The following NSG2 variants were observed in gnomAD, a reference collection of about 807,000 sequenced individuals.
NSG2 encodes neuronal vesicle trafficking-associated protein 2.
NSG2 carries 4 observed loss-of-function variants against 16.9 expected under a neutral mutation model. That is an observed-to-expected ratio of 0.24 (90% confidence interval 0.12 to 0.54). The LOEUF (loss-of-function observed/expected upper bound fraction) is 0.54, where lower values mean the gene tolerates loss of function less well. NSG2 is among the 20% of genes least tolerant of loss of function. The pLI, the probability that NSG2 is intolerant of heterozygous loss-of-function variation, is 0.95. For synonymous variants in NSG2, 98 were observed against 88.7 expected (o/e 1.11, Z -0.59); for missense variants, 179 against 221.1 (o/e 0.81, Z 1.21).
chr5:174,077,301 C>T (rs1301147674), intron 3 of NSG2, among the ~76,000 whole-genome samples: 1 of 152,168 alleles, frequency 6.6e-6, no homozygotes, highest in East Asian at 1.9e-4. Flanking sequence ...TGTCAAGCCA[C>T]AGTCAGAGTG....
At chr5:174,067,437 G>GGCCT (rs957006981) in intron 3 of NSG2, among the ~76,000 whole-genome samples, 7 of 152,222 alleles carry the variant, frequency 4.6e-5, no homozygotes, top group Admixed American at 4.6e-4. Context: ...CAGGGACCAG[G>GGCCT]GCCTGTAGAA....
At chr5:174,051,913 G>A (rs1440683423) in intron 2 of NSG2, among the ~76,000 whole-genome samples, 2 of 152,208 alleles carry the variant, frequency 1.3e-5, no homozygotes, top group African/African-American at 2.4e-5. Flanking sequence ...GGCCACATTG[G>A]CTGGTGATGT....
intron 3 of NSG2, among the ~76,000 whole-genome samples, chr5:174,099,168 A>G (rs1309813157): frequency 6.6e-6 from 1 of 152,180 alleles, no homozygotes; most frequent in African/African-American, 2.4e-5. Flanking sequence ...TGGGTCCAGC[A>G]GGATGCCTCG....
chr5:174,106,583 CTTTTTTTTTTTTTTTTTTTT>C (rs752375646), intron 4 of NSG2, among the ~76,000 whole-genome samples: 7 of 93,470 alleles, frequency 7.5e-5, no homozygotes, highest in Non-Finnish European at 1.5e-4. Context: ...GGAATGAAGC[CTTTTTTTTTTTTTTTTTTTT>C]TTTTTTTTTG....
At chr5:174,082,667 G>A (rs1760503522) in intron 3 of NSG2, 1 of 152,178 alleles carries the variant, frequency 6.6e-6, no homozygotes, top group African/African-American at 2.4e-5. Flanking sequence ...GTCATACTTA[G>A]ATAGTATATG....
chr5:174,070,229 A>G (rs1419490671), intron 3 of NSG2, among the ~76,000 whole-genome samples: 3 of 152,074 alleles, frequency 2.0e-5, no homozygotes, highest in Non-Finnish European at 4.4e-5. Flanking sequence ...CTTCAGTTAT[A>G]AGACAAATAA....
chr5:174,107,456 C>A lies in NSG2; in HGVS notation c.467C>A (p.Ala156Glu). 1.2e-6 allele frequency: 2 copies of A among 1,612,392 alleles called. No individual in the cohort carries two copies. Among genetic ancestry groups the A allele is most frequent in the Non-Finnish European group, 1.7e-6 (2 of 1,178,712 alleles). The stretch of plus-strand genomic sequence containing the variant: ...CGGGCCATCGGGCCGTGGCTGTCAG[C>A]AGCCGCTGTCATCCATGAGCCCAAG... Reference protein sequence around the residue: ...TARAIGPWLSAAAVIHEPKPP... With the variant: ...TARAIGPWLSEAAVIHEPKPP... Residue 156 changes from alanine to glutamate, a missense_variant, in exon 5 of 5, where the codon GCA (alanine) becomes GAA (glutamate). Transcript: ENST00000303177. The surrounding 1 kb of genome is among the most constrained non-coding windows in gnomAD (Gnocchi z 4.5).
intron 3 of NSG2, among the ~76,000 whole-genome samples, chr5:174,079,830 G>A (rs773646028): frequency 3.2e-4 from 49 of 151,990 alleles, no homozygotes; most frequent in Non-Finnish European, 6.8e-4. Flanking sequence ...AATTAATCAT[G>A]GACTCCACAA....
intron 3 of NSG2, among the ~76,000 whole-genome samples, chr5:174,076,272 T>C (rs1210703340): frequency 6.6e-6 from 1 of 152,118 alleles, no homozygotes; most frequent in East Asian, 1.9e-4. Context: ...CTTCTTTCAC[T>C]GGGAGCAAAT....
intron 3 of NSG2, among the ~76,000 whole-genome samples, chr5:174,098,269 G>A (rs1326592460): frequency 1.3e-5 from 2 of 152,224 alleles, no homozygotes; most frequent in Non-Finnish European, 2.9e-5. Flanking sequence ...AGAGGTACAT[G>A]AGACTGGAGG....
chr5:174,062,705 C>G (rs1380633904), intron 2 of NSG2: 1 of 152,186 alleles, frequency 6.6e-6, no homozygotes, highest in African/African-American at 2.4e-5. Flanking sequence ...CCCCATAAGT[C>G]CAGCCATAGG....
intron 3 of NSG2, among the ~76,000 whole-genome samples, chr5:174,077,761 A>G (rs1462103225): frequency 1.3e-5 from 2 of 152,016 alleles, no homozygotes; most frequent in African/African-American, 4.8e-5. Flanking sequence ...TTCTGGTGCT[A>G]TGAAAGCCTG....
intron 3 of NSG2, among the ~76,000 whole-genome samples, chr5:174,102,948 T>C (rs1760923682): frequency 6.8e-6 from 1 of 146,940 alleles, no homozygotes; most frequent in African/African-American, 2.5e-5. Context: ...TGGCTTTTTT[T>C]TTTTTTTTTT....
intron 3 of NSG2, among the ~76,000 whole-genome samples, chr5:174,101,602 C>T (rs574270070): frequency 2.6e-5 from 4 of 152,184 alleles, no homozygotes; most frequent in African/African-American, 7.2e-5. Context: ...TTTGAAGGGC[C>T]GTCTGCATCT....
chr5:174,051,575 T>TCATCCATC (rs147901835), intron 2 of NSG2, among the ~76,000 whole-genome samples: 8 of 152,132 alleles, frequency 5.3e-5, no homozygotes, highest in East Asian at 1.9e-4. Flanking sequence ...CATCCATTCA[T>TCATCCATC]CATCCATCCA....
At chr5:174,096,975 C>T (rs1760807416) in intron 3 of NSG2, among the ~76,000 whole-genome samples, 1 of 152,180 alleles carries the variant, frequency 6.6e-6, no homozygotes, top group Non-Finnish European at 1.5e-5. Context: ...GAAGTCACTT[C>T]ACCTCTCAGA....
chr5:174,051,082 C>T (rs1759881112), intron 2 of NSG2, among the ~76,000 whole-genome samples: 2 of 152,176 alleles, frequency 1.3e-5, no homozygotes, highest in South Asian at 4.1e-4. Context: ...CTACCTGCAG[C>T]AGCGGTGCTC....
intron 2 of NSG2, among the ~76,000 whole-genome samples, chr5:174,059,270 A>G (rs1432116317): frequency 6.6e-6 from 1 of 152,182 alleles, no homozygotes; most frequent in African/African-American, 2.4e-5. Context: ...AAATTCATCA[A>G]TGTATATGTA....
At chr5:174,103,050 A>T (rs1760925985) in intron 3 of NSG2, among the ~76,000 whole-genome samples, 1 of 150,456 alleles carries the variant, frequency 6.6e-6, no homozygotes, top group Non-Finnish European at 1.5e-5. Context: ...CGGCCTCCCA[A>T]AGTGCTGAGA....
Sources: gnomAD v4.1 joint callset for allele counts (sites outside exome capture counted in the v4.1 genomes callset) on GRCh38, gnomAD v4.1.1 for gene constraint, Gnocchi (gnomAD v3.1) non-coding constraint, MANE v1.5 for transcripts, NCBI Gene and HGNC (gene_info 2026-07-23, HGNC 2026-07-21) for gene names.